Variants in NUP155 observed in about 807,000 individuals in gnomAD.
NUP155 encodes the protein nucleoporin 155, also known as nuclear pore complex protein Nup155.
Under a neutral mutation model 180.4 loss-of-function variants are expected in NUP155, and 71 were observed. The ratio of observed to expected loss-of-function variants is 0.39; its 90% CI spans 0.33 to 0.48. The LOEUF (loss-of-function observed/expected upper bound fraction) is 0.48. NUP155 is among the 20% of genes least tolerant of loss of function. The pLI is 0.91. For missense variants in NUP155, 1,553 were observed against 1,648.9 expected, an observed-to-expected ratio of 0.94 and a Z score of 1.01; for synonymous variants, 582 against 559.5, an observed-to-expected ratio of 1.04 and a Z score of -0.57.
chr5:37,299,663 G>A (rs1211498745), intron 30 of NUP155, 95 bp from the exon 31 acceptor site: 2 of 1,230,482 alleles, frequency 1.6e-6, no homozygotes, highest in East Asian at 2.4e-5. Flanking sequence ...AATAACCAAA[G>A]ATTTTACATA....
At chr5:37,347,353 C>T (rs1370231898) in intron 9 of NUP155, among the ~76,000 whole-genome samples, 3 of 152,158 alleles carry the variant, frequency 2.0e-5, no homozygotes, top group African/African-American at 7.2e-5. Flanking sequence ...CTGTACTTTA[C>T]GTAGTAAAAC....
chr5:37,332,422 T>C (rs217790), intron 13 of NUP155, among the ~76,000 whole-genome samples: 48,180 of 149,292 alleles, frequency 0.32, 12,094 homozygotes, highest in African/African-American at 0.71. Context: ...CCCGGGTTCA[T>C]GCCATTCTCC....
intron 5 of NUP155, among the ~76,000 whole-genome samples, chr5:37,352,469 C>A (rs529179821): frequency 6.6e-6 from 1 of 152,246 alleles, no homozygotes; most frequent in East Asian, 1.9e-4. Context: ...GCCTGGGAGG[C>A]AGAGGATGCG....
In NUP155 at chr5:37,354,344, C is replaced by T. The variant is rs144929572; in HGVS notation, c.464-1515G>A. On this transcript the variant is annotated intron_variant, in intron 4 of 34. Transcript: ENST00000231498. ...TATTTTTAGTAGAGACACGGTTTCA[C>T]CATGTGGTCAGGCTTGTCTCGAATT... Among the ~76,000 whole-genome samples the T allele has an allele frequency of 3.9e-5, 6 of 152,224 alleles. No individual in the cohort carries two copies. The East Asian group carries it at 1.2e-3, about 29-fold the overall frequency.
Position 37,348,486 on chromosome 5 carries a change from A to C in NUP155, c.995+19T>G. ...ATTATGCCTGCAAATGAAATGCTTA[A>C]TAATAAATTACATGTTACCTAGCAA... On this transcript the variant is annotated intron_variant, in intron 9 of 34. Coordinates refer to ENST00000231498, the MANE Select transcript of NUP155 (RefSeq NM_153485.3). 1 of 1,467,204 alleles carries C rather than the reference A, an allele frequency of 6.8e-7. No individual in the cohort carries two copies. The highest frequency in any genetic ancestry group is 2.3e-5 in the East Asian group (1 of 44,058). 90.9% of individuals were successfully genotyped at this position (1,467,204 alleles called of 1,614,324 possible).
At chr5:37,307,658 C>T (rs1743241745) in intron 24 of NUP155, among the ~76,000 whole-genome samples, 1 of 152,066 alleles carries the variant, frequency 6.6e-6, no homozygotes, top group Non-Finnish European at 1.5e-5. Flanking sequence ...TGTGGTGGCT[C>T]ACGCCTGTAA....
intron 21 of NUP155, among the ~76,000 whole-genome samples, chr5:37,316,113 T>C (rs915239611): frequency 6.6e-6 from 1 of 152,200 alleles, no homozygotes; most frequent in Non-Finnish European, 1.5e-5. Context: ...TGTTCACCCA[T>C]GTTAATAGCA....
intron 4 of NUP155, among the ~76,000 whole-genome samples, chr5:37,355,597 G>A (rs1272171639): frequency 7.4e-6 from 1 of 135,134 alleles, no homozygotes; most frequent in Non-Finnish European, 1.5e-5. Flanking sequence ...TTGTTTTTCA[G>A]AGGCGATGTC....
At chr5:37,300,521 T>C (rs1742805430) in intron 30 of NUP155, among the ~76,000 whole-genome samples, 1 of 152,320 alleles carries the variant, frequency 6.6e-6, no homozygotes, top group South Asian at 2.1e-4. Flanking sequence ...CCTGGAACTA[T>C]GTCTAAGAAT....
rs1290531146 is a variant in NUP155 at position 37,288,341 on chromosome 5, T to C, written c.*3559A>G. 6.6e-6 allele frequency: 1 copy of C among 152,190 alleles called. No individual in the cohort carries two copies. The highest frequency in any genetic ancestry group is 6.5e-5 in the Admixed American group (1 of 15,276). The allele number at this position is 152,190 out of a possible 1,614,324, so 9.4% of individuals were successfully genotyped here. On this transcript the variant is annotated 3_prime_UTR_variant, in exon 35 of 35. Coordinates refer to ENST00000231498, the MANE Select transcript of NUP155 (RefSeq NM_153485.3). ...GAATGGAGACTACCCTGAGGAATAC[T>C]TTTGAGATCAGTGGATAGGTGTTCA...
At chr5:37,304,649 A>G (rs1743053558) in intron 27 of NUP155, 90 bp downstream of exon 27, 5 of 938,872 alleles carry the variant, frequency 5.3e-6, no homozygotes, top group Admixed American at 4.0e-5. Context: ...GGGATGAGAA[A>G]CTGAATTTTT....
intron 29 of NUP155, 129 bp from the exon 30 acceptor site, chr5:37,301,679 T>C (rs2150941771): frequency 1.4e-6 from 1 of 691,990 alleles, no homozygotes; most frequent in Non-Finnish European, 2.6e-6. Flanking sequence ...TCTATCATAA[T>C]AGGCTAATAT....
Position 37,290,637 on chromosome 5 carries a change from T to C in NUP155, c.*1263A>G, listed in dbSNP as rs1169324618. ...GTACATTACTAACAGTTTTGCTTTA[T>C]ATATTGTGTGCCTTGGGCAAAATTT... On this transcript the variant is annotated 3_prime_UTR_variant, in exon 35 of 35. Transcript: ENST00000231498. The C allele has an allele frequency of 6.6e-6, 1 of 152,226 alleles. No homozygotes were observed. Among genetic ancestry groups the C allele is most frequent in the African/African-American group, 2.4e-5 (1 of 41,464 alleles). 9.4% of individuals were successfully genotyped at this position (152,226 alleles called of 1,614,324 possible).
At chr5:37,299,296 A>G in intron 31 of NUP155, 152 bp downstream of exon 31, 1 of 829,822 alleles carries the variant, frequency 1.2e-6, no homozygotes, top group Non-Finnish European at 2.0e-6. Context: ...ATCCTCCACC[A>G]TACCCAGGTG....
rs1394161472 is a variant in NUP155, at chr5:37,291,267, AGTCTC to A, written c.*628_*632del. 10 of 152,300 alleles carry A rather than the reference AGTCTC, an allele frequency of 6.6e-5. No homozygotes were observed. Among genetic ancestry groups the A allele is most frequent in the Admixed American group, 2.6e-4 (4 of 15,274 alleles). The allele number at this position is 152,300 out of a possible 1,614,324, so 9.4% of individuals were successfully genotyped here. A position where few individuals can be genotyped will look rare whatever the true frequency, so the allele number is the denominator to read the frequency against. On this transcript the variant is annotated 3_prime_UTR_variant, in exon 35 of 35. Transcript: ENST00000231498. Reference sequence around the variant, plus strand: ...GAGGTTTTTTTGTTTTTTGAGACAGAGTCTCGCCCTGTTGCCTGGGCTGGAGTGCA... The same window carrying A: ...GAGGTTTTTTTGTTTTTTGAGACAGAGCCCTGTTGCCTGGGCTGGAGTGCA...
At chr5:37,330,859 TCAA>T (rs1388517742) in intron 14 of NUP155, among the ~76,000 whole-genome samples, 5 of 152,146 alleles carry the variant, frequency 3.3e-5, no homozygotes, top group African/African-American at 9.7e-5. Flanking sequence ...TAAGAATTTA[TCAA>T]CAACAGGCCA....
intron 23 of NUP155, 95 bp downstream of exon 23, chr5:37,310,457 A>G: frequency 1.0e-6 from 1 of 975,554 alleles, no homozygotes; most frequent in Non-Finnish European, 1.6e-6. Context: ...TAAGAGATCT[A>G]ACTGACTGAG....
At chr5:37,343,716 C>A (rs1015939185) in intron 9 of NUP155, among the ~76,000 whole-genome samples, 3 of 151,916 alleles carry the variant, frequency 2.0e-5, no homozygotes, top group Non-Finnish European at 4.4e-5. Context: ...CATGGTGAAC[C>A]CCCGTCTCTA....
rs781672012 is a variant in NUP155 at position 37,352,759 on chromosome 5, G to C, written c.534C>G (p.Leu178=). 6.2e-7 allele frequency: 1 copy of C among 1,613,168 alleles called. No homozygotes were observed. ...TACCTGTTTGCAAATTAGCATAGCT[G>C]AGTCCAAGAATTACTATGTCTACAG... ...ATPVDIVILG[L]SYANLQTGSG... is the part of the protein sequence containing the mutation. The change falls in exon 5 of 35, where the codon CTC becomes CTG. Residue 178 remains leucine (L), a synonymous_variant. Coordinates refer to ENST00000231498, the MANE Select transcript of NUP155 (RefSeq NM_153485.3).
Sources: allele counts gnomAD v4.1 joint callset (sites outside exome capture counted in the v4.1 genomes callset), GRCh38; gene constraint gnomAD v4.1.1; transcripts MANE v1.5; gene names NCBI Gene and HGNC (gene_info 2026-07-23, HGNC 2026-07-21).